Variants in GALNTL6 observed in about 807,000 individuals in gnomAD.
GALNTL6 encodes polypeptide N-acetylgalactosaminyltransferase-like 6.
GALNTL6 carries 46 observed loss-of-function variants against 73.7 expected under a neutral mutation model. That is an observed-to-expected ratio of 0.62 (90% confidence interval 0.49 to 0.80). GALNTL6 has a LOEUF of 0.80. Among genes scored for constraint, GALNTL6 ranks in the 30% least tolerant of loss-of-function variants. The probability of loss-of-function intolerance (pLI) is 0.00; values close to 1 mark genes in which losing one functional copy is unlikely to be tolerated. For missense variants in GALNTL6, 604 were observed against 755.0 expected, an observed-to-expected ratio of 0.80 and a Z score of 2.34; for synonymous variants, 259 against 263.7, an observed-to-expected ratio of 0.98 and a Z score of 0.17.
chr4:172,229,391 C>G (rs764781337), intron 2 of GALNTL6, among the ~76,000 whole-genome samples: 14 of 152,064 alleles, frequency 9.2e-5, no homozygotes, highest in Non-Finnish European at 1.9e-4. Context: ...ACAGGTGACA[C>G]GCTAAATATT....
chr4:172,482,179 C>T (rs338029), intron 5 of GALNTL6, among the ~76,000 whole-genome samples: 23 of 152,164 alleles, frequency 1.5e-4, no homozygotes, highest in Admixed American at 3.3e-4. Context: ...CAGGACCTGC[C>T]GAGCCCACAC....
chr4:172,254,820 G>C (rs968820088), intron 3 of GALNTL6, among the ~76,000 whole-genome samples: 4 of 151,668 alleles, frequency 2.6e-5, no homozygotes, highest in Admixed American at 6.6e-5. Flanking sequence ...TATTAATTAA[G>C]ATATTGTCTA....
chr4:172,681,368 G>A (rs1732625469), intron 5 of GALNTL6, among the ~76,000 whole-genome samples: 1 of 151,864 alleles, frequency 6.6e-6, no homozygotes, highest in African/African-American at 2.4e-5. Flanking sequence ...TATACAAGAT[G>A]AATTAAAAAC....
chr4:173,038,684 G>T (rs1307136400), intron 12 of GALNTL6, among the ~76,000 whole-genome samples: 3 of 152,150 alleles, frequency 2.0e-5, no homozygotes, highest in African/African-American at 7.2e-5. Context: ...TTGCCTGCAG[G>T]TTGCCTTTCT....
chr4:172,778,968 C>CA (rs1739226102), intron 5 of GALNTL6, among the ~76,000 whole-genome samples: 1 of 151,650 alleles, frequency 6.6e-6, no homozygotes, highest in Non-Finnish European at 1.5e-5. Context: ...TACTACCACC[C>CA]CCCTTCACTC....
At chr4:172,087,965 T>C (rs775664567) in intron 2 of GALNTL6, among the ~76,000 whole-genome samples, 7 of 152,134 alleles carry the variant, frequency 4.6e-5, no homozygotes, top group Non-Finnish European at 7.4e-5. Context: ...CTTCCTACTG[T>C]AGGTTGATCC....
chr4:171,971,221 C>A (rs1351636172), intron 2 of GALNTL6, among the ~76,000 whole-genome samples: 1 of 152,160 alleles, frequency 6.6e-6, no homozygotes, highest in Non-Finnish European at 1.5e-5. Context: ...CTGATGCCAC[C>A]ATTCCCGATC....
intron 5 of GALNTL6, among the ~76,000 whole-genome samples, chr4:172,399,504 CT>C (rs11342335): frequency 0.54 from 82,146 of 151,746 alleles, 25,623 homozygotes; most frequent in Non-Finnish European, 0.7. Context: ...GTAGTAGCCA[CT>C]GAGTAGTATA....
chr4:172,588,359 C>G (rs1415805113), intron 5 of GALNTL6, among the ~76,000 whole-genome samples: 1 of 151,806 alleles, frequency 6.6e-6, no homozygotes, highest in Non-Finnish European at 1.5e-5. Context: ...TTTGAGAGGC[C>G]GAAGCGAGCA....
At chr4:172,923,797 T>C (rs1015155864) in intron 8 of GALNTL6, among the ~76,000 whole-genome samples, 2 of 152,144 alleles carry the variant, frequency 1.3e-5, no homozygotes, top group African/African-American at 2.4e-5. Context: ...CACATCTTAC[T>C]TGAATGGCAG....
At chr4:172,677,653 T>C (rs1328793701) in intron 5 of GALNTL6, among the ~76,000 whole-genome samples, 4 of 152,188 alleles carry the variant, frequency 2.6e-5, no homozygotes, top group Admixed American at 2.6e-4. Context: ...CCAGCCACGG[T>C]GGCCAACACC....
chr4:172,362,386 T>A (rs1472829562), intron 5 of GALNTL6, among the ~76,000 whole-genome samples: 1 of 7,872 alleles, frequency 1.3e-4, no homozygotes, highest in African/African-American at 1.7e-4. Flanking sequence ...TTAAACAAAC[T>A]TAATTTATTT....
chr4:172,527,468 G>A (rs1236763669), intron 5 of GALNTL6, among the ~76,000 whole-genome samples: 5 of 152,206 alleles, frequency 3.3e-5, no homozygotes, highest in Non-Finnish European at 7.3e-5. Context: ...GGAGAAGACT[G>A]TAGATGCTTA....
intron 5 of GALNTL6, among the ~76,000 whole-genome samples, chr4:172,454,325 G>A (rs1046505008): frequency 2.0e-5 from 3 of 152,180 alleles, no homozygotes; most frequent in Non-Finnish European, 2.9e-5. Context: ...CAGTCCCGTT[G>A]ATAAAGATGG....
chr4:172,660,238 G>A (rs1315843671), intron 5 of GALNTL6, among the ~76,000 whole-genome samples: 6 of 152,166 alleles, frequency 3.9e-5, no homozygotes, highest in African/African-American at 7.2e-5. Flanking sequence ...CTACAGCACT[G>A]GCACAACTCT....
Position 172,508,781 on chromosome 4 carries a change from C to G in GALNTL6, c.553+160092C>G, listed in dbSNP as rs1209700881. On this transcript the variant is annotated intron_variant, in intron 5 of 12. Coordinates refer to ENST00000506823, the MANE Select transcript of GALNTL6 (RefSeq NM_001034845.3). Reference sequence around the variant, plus strand: ...AGTAGTATTCCATGGTGTATATATACCACATTTTTTTTTAATCAACTCATT... The same window carrying G: ...AGTAGTATTCCATGGTGTATATATAGCACATTTTTTTTTAATCAACTCATT... Among the ~76,000 whole-genome samples, 24 of 50,386 alleles carry G rather than the reference C, an allele frequency of 4.8e-4. 10 individuals carry two copies. Among genetic ancestry groups the G allele is most frequent in the African/African-American group, 1.2e-3 (24 of 19,950 alleles). 33.1% of individuals were successfully genotyped at this position (50,386 alleles called of 152,430 possible). A position where few individuals can be genotyped will look rare whatever the true frequency, so the allele number is the denominator to read the frequency against.
chr4:172,721,838 G>T (rs1285988213), intron 5 of GALNTL6, among the ~76,000 whole-genome samples: 1 of 152,192 alleles, frequency 6.6e-6, no homozygotes, highest in African/African-American at 2.4e-5. Context: ...ATCAAGCACT[G>T]CATATGCAGT....
intron 8 of GALNTL6, among the ~76,000 whole-genome samples, chr4:172,925,884 T>A (rs868723021): frequency 2.6e-5 from 4 of 152,218 alleles, no homozygotes; most frequent in Non-Finnish European, 4.4e-5. Context: ...TCATCTGTTA[T>A]GCACGTACAT....
chr4:172,420,209 A>C (rs1348612748), intron 5 of GALNTL6, among the ~76,000 whole-genome samples: 1 of 152,206 alleles, frequency 6.6e-6, no homozygotes, highest in African/African-American at 2.4e-5. Context: ...TTTTTCTAGC[A>C]AAAGAAAGTG....
Sources: allele counts gnomAD v4.1 joint callset (sites outside exome capture counted in the v4.1 genomes callset), GRCh38; gene constraint gnomAD v4.1.1; transcripts MANE v1.5; gene names NCBI Gene and HGNC (gene_info 2026-07-23, HGNC 2026-07-21).